Variants in GADL1 observed in about 807,000 individuals in gnomAD.
GADL1 encodes the protein acidic amino acid decarboxylase GADL1.
GADL1 carries 71 observed loss-of-function variants against 69.5 expected under a neutral mutation model. The observed-to-expected ratio is 1.02, with a 90% CI of 0.84 to 1.25. The LOEUF (loss-of-function observed/expected upper bound fraction) is 1.25, where lower values mean the gene tolerates loss of function less well. Ranked by LOEUF, GADL1 falls within the 50% of genes most tolerant of loss-of-function variation. The pLI is 0.00. For missense variants in GADL1, 737 were observed against 631.8 expected, an observed-to-expected ratio of 1.17 and a Z score of -1.79; for synonymous variants, 254 against 214.4, an observed-to-expected ratio of 1.18 and a Z score of -1.62.
At chr3:30,787,962 T>C (rs1696832292) in intron 12 of GADL1, among the ~76,000 whole-genome samples, 1 of 152,172 alleles carries the variant, frequency 6.6e-6, no homozygotes, top group African/African-American at 2.4e-5. Flanking sequence ...TCAAAGATAT[T>C]ATCTATATGC....
At chr3:30,738,114 G>T (rs1192829369) in intron 14 of GADL1, among the ~76,000 whole-genome samples, 2 of 152,194 alleles carry the variant, frequency 1.3e-5, no homozygotes, top group Non-Finnish European at 2.9e-5. Context: ...TTGTGTCTCA[G>T]CAGCCACCTG....
chr3:30,762,821 TAACTG>T (rs889922903), intron 14 of GADL1, among the ~76,000 whole-genome samples: 1 of 148,452 alleles, frequency 6.7e-6, no homozygotes, highest in Admixed American at 6.8e-5. Flanking sequence ...ATCCCACAGA[TAACTG>T]AAAACATGTG....
intron 1 of GADL1, among the ~76,000 whole-genome samples, chr3:30,872,379 C>T (rs1283494383): frequency 1.3e-5 from 2 of 151,922 alleles, no homozygotes; most frequent in Non-Finnish European, 2.9e-5. Context: ...TTTCTGTTGG[C>T]ATTTTCCTCC....
chr3:30,746,478 C>T (rs1259100795), intron 14 of GADL1, among the ~76,000 whole-genome samples: 2 of 152,088 alleles, frequency 1.3e-5, no homozygotes, highest in Non-Finnish European at 2.9e-5. Context: ...ATGAGAGATG[C>T]TAATAGTCAT....
At chr3:30,795,167 G>GT (rs1697007451) in intron 12 of GADL1, among the ~76,000 whole-genome samples, 2 of 152,154 alleles carry the variant, frequency 1.3e-5, no homozygotes, top group Admixed American at 6.5e-5. Context: ...TATTCCAGGT[G>GT]GAGCCTTCCA....
At chr3:30,746,924 T>TA (rs1451981391) in intron 14 of GADL1, among the ~76,000 whole-genome samples, 1 of 152,118 alleles carries the variant, frequency 6.6e-6, no homozygotes, top group Non-Finnish European at 1.5e-5. Flanking sequence ...GTTTAAGCAT[T>TA]AAAGGGCAGA....
chr3:30,893,429 ACATTAT>A (rs1698812565), intron 1 of GADL1, among the ~76,000 whole-genome samples: 1 of 152,190 alleles, frequency 6.6e-6, no homozygotes, highest in Admixed American at 6.5e-5. Flanking sequence ...TTTGAAATAT[ACATTAT>A]CATTAACTAT....
Position 30,857,052 on chromosome 3 carries a change from T to C in GADL1, c.300A>G (p.Glu100=). Residue 100 remains glutamate, a synonymous_variant, in exon 3 of 15, where the codon GAA becomes GAG. Transcript: ENST00000282538. ...DSGEPPHKLL[E]LCRDVIHYSV... is the part of the protein sequence containing the mutation. ...TGTAGTGTATGACATCCCGACAGAG[T>C]TCCAATAGTTTATGGGGTGGCTCGC... 1 of 1,549,788 alleles carries C rather than the reference T, an allele frequency of 6.5e-7. No homozygotes were observed. Among genetic ancestry groups the C allele is most frequent in the East Asian group, 2.4e-5 (1 of 40,856 alleles).
chr3:30,865,316 T>C (rs1411684400), intron 1 of GADL1, among the ~76,000 whole-genome samples: 3 of 151,128 alleles, frequency 2.0e-5, no homozygotes, highest in African/African-American at 7.3e-5. Context: ...TTTTTTAATA[T>C]CTGTCTCTCC....
At chr3:30,840,815 A>AT (rs1697953403) in intron 8 of GADL1, among the ~76,000 whole-genome samples, 1 of 152,228 alleles carries the variant, frequency 6.6e-6, no homozygotes, top group South Asian at 2.1e-4. Context: ...CCTGCTGTTA[A>AT]TGAGAATTCA....
intron 14 of GADL1, among the ~76,000 whole-genome samples, chr3:30,775,956 G>T (rs1180722748): frequency 3.9e-5 from 6 of 152,130 alleles, no homozygotes; most frequent in Admixed American, 2.6e-4. Flanking sequence ...ATGATGGTGG[G>T]TGCCTGTGAT....
intron 1 of GADL1, among the ~76,000 whole-genome samples, chr3:30,891,012 C>T (rs190836181): frequency 4.7e-5 from 7 of 149,414 alleles, no homozygotes; most frequent in Non-Finnish European, 7.4e-5. Flanking sequence ...AGGCTGTCGG[C>T]TAGAGTATTT....
At chr3:30,742,612 G>C (rs1695643534) in intron 14 of GADL1, among the ~76,000 whole-genome samples, 2 of 151,772 alleles carry the variant, frequency 1.3e-5, no homozygotes, top group Admixed American at 1.3e-4. Context: ...GTCTTTTCTG[G>C]TCATTATATT....
At chr3:30,828,366 TCTC>T (rs1392654872) in intron 11 of GADL1, among the ~76,000 whole-genome samples, 1 of 151,584 alleles carries the variant, frequency 6.6e-6, no homozygotes, top group African/African-American at 2.4e-5. Flanking sequence ...ATGACATTAG[TCTC>T]CTTTTTTTTT....
intron 14 of GADL1, among the ~76,000 whole-genome samples, chr3:30,777,023 G>C (rs777495085): frequency 3.3e-5 from 5 of 152,164 alleles, no homozygotes; most frequent in Admixed American, 6.5e-5. Context: ...ACTGCAAACA[G>C]TTAATCTCCA....
chr3:30,764,411 A>T (rs1696219390), intron 14 of GADL1, among the ~76,000 whole-genome samples: 1 of 152,196 alleles, frequency 6.6e-6, no homozygotes, highest in South Asian at 2.1e-4. Context: ...GAAAAGCGAA[A>T]CTACAAGACT....
intron 8 of GADL1, among the ~76,000 whole-genome samples, chr3:30,839,932 G>A (rs193298020): frequency 6.6e-6 from 1 of 152,236 alleles, no homozygotes; most frequent in African/African-American, 2.4e-5. Context: ...TAGATGAAGA[G>A]TACATGAGAT....
intron 11 of GADL1, among the ~76,000 whole-genome samples, chr3:30,820,078 G>A (rs1697545318): frequency 6.6e-6 from 1 of 151,576 alleles, no homozygotes; most frequent in South Asian, 2.1e-4. Flanking sequence ...ACAAAGAATA[G>A]ATCTATATTA....
At chr3:30,818,607 T>A (rs1272897955) in intron 11 of GADL1, among the ~76,000 whole-genome samples, 1 of 152,202 alleles carries the variant, frequency 6.6e-6, no homozygotes, top group Non-Finnish European at 1.5e-5. Context: ...TCATTAAATT[T>A]GAATTTCAAG....
Sources: gnomAD v4.1 joint callset for allele counts (sites outside exome capture counted in the v4.1 genomes callset) on GRCh38, gnomAD v4.1.1 for gene constraint, MANE v1.5 for transcripts, NCBI Gene and HGNC (gene_info 2026-07-23, HGNC 2026-07-21) for gene names.